Variants in BOD1L1 observed in about 807,000 individuals in gnomAD.
The protein encoded by BOD1L1 is biorientation of chromosomes in cell division 1 like 1.
Under a neutral mutation model 240.7 loss-of-function variants are expected in BOD1L1, and 86 were observed. The ratio of observed to expected loss-of-function variants is 0.36; its 90% CI spans 0.30 to 0.43. The LOEUF (loss-of-function observed/expected upper bound fraction) is 0.43. Ranked by LOEUF, BOD1L1 falls within the 20% of genes least tolerant of loss-of-function variation. The pLI is 1.00. For missense variants in BOD1L1, 3,554 were observed against 3,643.5 expected (o/e 0.98, Z 0.63); for synonymous variants, 1,268 against 1,272.3 (o/e 1.00, Z 0.07).
Position 13,602,437 on chromosome 4 carries a change from C to T in BOD1L1, c.4463G>A (p.Ser1488Asn), listed in dbSNP as rs959490513. Residue 1488 changes from serine (S) to asparagine (N), a missense_variant, in exon 10 of 26, where the codon AGT becomes AAT. Ser to Asn is a conservative substitution (Grantham distance 46). Transcript: ENST00000040738. The part of the protein sequence containing the change: ...ENSEVDTSAG[S>N]GSAPSVLHQR... ...GTGTAAAACAGAGGGTGCAGAGCCA[C>T]TTCCAGCACTGGTGTCTACCTCACT... The T allele has an allele frequency of 4.4e-5, 71 of 1,613,924 alleles. No individual in the cohort carries two copies. The highest frequency in any genetic ancestry group is 5.8e-5 in the Non-Finnish European group (68 of 1,179,910).
At chr4:13,626,379 G>A (rs1278726427) in intron 1 of BOD1L1, 1 of 152,490 alleles carries the variant, frequency 6.6e-6, no homozygotes, top group African/African-American at 2.5e-5. Context: ...CAATCCAATG[G>A]ACCCAACCAG....
rs566572951 is a variant in BOD1L1, at chr4:13,627,337, C to T, written c.243+8G>A. ...CTCGCAGACCCCCAAACCCGGCGCGCTCCTAACCTTGGTGTCCACGTCGGC... is the reference window on the plus strand; with the variant it reads ...CTCGCAGACCCCCAAACCCGGCGCGTTCCTAACCTTGGTGTCCACGTCGGC... On this transcript the variant is annotated splice_region_variant and intron_variant, in intron 1 of 25. Transcript: ENST00000040738. The T allele has an allele frequency of 4.6e-6, 6 of 1,306,860 alleles. No individual in the cohort carries two copies. In the South Asian group the frequency reaches 8.5e-5, roughly 19 times the overall value. 81.0% of individuals were successfully genotyped at this position (1,306,860 alleles called of 1,614,324 possible).
rs1422886487 is a variant in BOD1L1 at position 13,604,737 on chromosome 4, C to T, written c.2163G>A (p.Val721=). 1 of 1,611,526 alleles carries T rather than the reference C, an allele frequency of 6.2e-7. No homozygotes were observed. ...PHLKSLLKKE[V]KSSKEKPERE... ...TTTCAGGCTTCTCCTTGGAGGATTTCACCTCTTTCTTAAGTAGGCTTTTCA... is the reference window on the plus strand; with the variant it reads ...TTTCAGGCTTCTCCTTGGAGGATTTTACCTCTTTCTTAAGTAGGCTTTTCA... Residue 721 remains valine, a synonymous_variant, in exon 10 of 26, where the codon GTG becomes GTA. Coordinates refer to ENST00000040738, the MANE Select transcript of BOD1L1 (RefSeq NM_148894.3).
intron 14 of BOD1L1, among the ~76,000 whole-genome samples, 155 bp from the exon 15 acceptor site, chr4:13,588,947 G>C (rs1713956004): frequency 6.6e-6 from 1 of 152,170 alleles, no homozygotes; most frequent in Non-Finnish European, 1.5e-5. Context: ...AGTCACAAAT[G>C]ATTTTTGATG....
intron 25 of BOD1L1, chr4:13,572,805 T>G: frequency 3.1e-6 from 4 of 1,289,826 alleles, no homozygotes; most frequent in Non-Finnish European, 4.0e-6. Flanking sequence ...CTGCCAAGTT[T>G]GGATGTTGCA....
chr4:13,586,089 T>C (rs1577323873), intron 17 of BOD1L1, among the ~76,000 whole-genome samples: 1 of 152,240 alleles, frequency 6.6e-6, no homozygotes, highest in South Asian at 2.1e-4. Context: ...AAGCACATTA[T>C]ACTTTTGGAA....
In BOD1L1 at chr4:13,627,245, G is replaced by C. The variant is rs992054312; in HGVS notation, c.243+100C>G. Reference sequence around the variant, plus strand: ...ACACTCTGTGCTTTGCACAGTCCGTGGCACACAGCTGCAGCTCCAAGAGGA... The same window carrying C: ...ACACTCTGTGCTTTGCACAGTCCGTCGCACACAGCTGCAGCTCCAAGAGGA... On this transcript the variant is annotated intron_variant, in intron 1 of 25. Coordinates refer to ENST00000040738, the MANE Select transcript of BOD1L1 (RefSeq NM_148894.3). 4 of 540,026 alleles carry C rather than the reference G, an allele frequency of 7.4e-6. No individual in the cohort carries two copies. The African/African-American group carries it at 8.2e-5, about 11-fold the overall frequency. 33.5% of individuals were successfully genotyped at this position (540,026 alleles called of 1,614,324 possible).
At position 13,602,494 on chromosome 4, in the gene BOD1L1, A is replaced by G. The variant is rs773244880; in HGVS notation, c.4406T>C (p.Ile1469Thr). 1 of 1,613,786 alleles carries G rather than the reference A, an allele frequency of 6.2e-7. No individual in the cohort carries two copies. The highest frequency in any genetic ancestry group is 1.3e-5 in the African/African-American group (1 of 74,894). Residue 1469 changes from isoleucine (I) to threonine (T), a missense_variant, in exon 10 of 26, where the codon ATA (isoleucine) becomes ACA (threonine). By Grantham distance (89) the Ile-to-Thr change is moderately conservative. Coordinates refer to ENST00000040738, the MANE Select transcript of BOD1L1 (RefSeq NM_148894.3). ...ATTCCTTCTTTCAACATCAATTGAT[A>G]TGTCTTTTACTTTACCTGGGCTTCT... ...HKRSPGKVKD[I>T]SIDVERRNEN...
In BOD1L1 at chr4:13,587,787, A is replaced by G. The variant is rs1159557354; in HGVS notation, c.8281-16T>C. The G allele has an allele frequency of 6.6e-7, 1 of 1,509,248 alleles. No individual in the cohort carries two copies. The highest frequency in any genetic ancestry group is 1.4e-5 in the African/African-American group (1 of 72,286). 93.5% of individuals were successfully genotyped at this position (1,509,248 alleles called of 1,614,324 possible). On this transcript the variant is annotated splice_polypyrimidine_tract_variant and intron_variant, in intron 15 of 25. Coordinates refer to ENST00000040738, the MANE Select transcript of BOD1L1 (RefSeq NM_148894.3). ...CCTCTTCAACCTGGAATTAAGAATG[A>G]CTATATCAAAGGCCATAGAATCTTG...
chr4:13,598,717 G>A (rs1241237872), intron 10 of BOD1L1, among the ~76,000 whole-genome samples: 1 of 152,168 alleles, frequency 6.6e-6, no homozygotes, highest in African/African-American at 2.4e-5. Context: ...CCCCACACAT[G>A]AGAAATGGGC....
intron 10 of BOD1L1, among the ~76,000 whole-genome samples, chr4:13,598,232 C>T (rs1714779103): frequency 6.6e-6 from 1 of 152,170 alleles, no homozygotes; most frequent in Non-Finnish European, 1.5e-5. Flanking sequence ...AATCTGTCAG[C>T]AGGGAAAAAT....
Position 13,613,357 on chromosome 4 carries a change from C to A in BOD1L1, c.1324+155G>T. 1.6e-6 allele frequency: 1 copy of A among 636,004 alleles called. No homozygotes were observed. The highest frequency in any genetic ancestry group is 2.5e-6 in the Non-Finnish European group (1 of 405,854). The allele number at this position is 636,004 out of a possible 1,614,324, so 39.4% of individuals were successfully genotyped here. ...AACTTACCAAGCTTGCTCAGACAGA[C>A]AACTTTGGAGCTGGGACTCAGAAAC... On this transcript the variant is annotated intron_variant, in intron 5 of 25. Transcript: ENST00000040738. This position sits in a 1 kb window ranked among gnomAD's most constrained non-coding sequence, Gnocchi z 4.0.
rs372247165 is a variant in BOD1L1 at position 13,602,588 on chromosome 4, T to C, written c.4312A>G (p.Ile1438Val). The C allele has an allele frequency of 1.2e-6, 2 of 1,614,058 alleles. No individual in the cohort carries two copies. The highest frequency in any genetic ancestry group is 1.3e-5 in the African/African-American group (1 of 75,076). Residue 1438 changes from isoleucine (I) to valine (V), a missense_variant, in exon 10 of 26, where the codon ATT (isoleucine) becomes GTT (valine). By Grantham distance (29) the Ile-to-Val change is conservative. Coordinates refer to ENST00000040738, the MANE Select transcript of BOD1L1 (RefSeq NM_148894.3). ...AGGCCTACAACATGATCAACAGCAA[T>C]GCCATCCTTCTTGCCATTCTCTACT... ...ATVENGKKDG[I>V]AVDHVVGLNT...
In BOD1L1 at chr4:13,607,097, G is replaced by A. The variant is rs763821611; in HGVS notation, c.1815+20C>T. The A allele has an allele frequency of 6.8e-7, 1 of 1,475,112 alleles. No homozygotes were observed. The highest frequency in any genetic ancestry group is 9.2e-7 in the Non-Finnish European group (1 of 1,087,678). The allele number at this position is 1,475,112 out of a possible 1,614,324, so 91.4% of individuals were successfully genotyped here. A position where few individuals can be genotyped will look rare whatever the true frequency, so the allele number is the denominator to read the frequency against. ...TATCTAACAAAACAGCATTTGAAAT[G>A]AGGTTTTATTAAGGCATACCTCACT... On this transcript the variant is annotated intron_variant, in intron 9 of 25. Coordinates refer to ENST00000040738, the MANE Select transcript of BOD1L1 (RefSeq NM_148894.3).
At chr4:13,608,487 A>AG in intron 8 of BOD1L1, 43 bp downstream of exon 8, 2 of 1,447,252 alleles carry the variant, frequency 1.4e-6, no homozygotes, top group Non-Finnish European at 1.8e-6. Context: ...GAAAGCACCC[A>AG]GGGGAGTGTT....
rs747400099 is a variant in BOD1L1, at chr4:13,570,020, C to T, written c.9147G>A (p.Ala3049=). Residue 3049 remains alanine (A), a synonymous_variant, in exon 26 of 26, where the codon GCG becomes GCA. Coordinates refer to ENST00000040738, the MANE Select transcript of BOD1L1 (RefSeq NM_148894.3). ...GCAGCAGTGGTCAGGATTATCGCTTCGCTTTTTTCACAGGGGCTTCCTCCA... is the reference window on the plus strand; with the variant it reads ...GCAGCAGTGGTCAGGATTATCGCTTTGCTTTTTTCACAGGGGCTTCCTCCA... The part of the protein sequence containing the change: ...QRVEEAPVKK[A]KR 1.8e-5 allele frequency: 29 copies of T among 1,600,868 alleles called. No homozygotes were observed. The highest frequency in any genetic ancestry group is 2.3e-5 in the East Asian group (1 of 43,986).
chr4:13,591,941 C>A lies in BOD1L1; in HGVS notation c.8130G>T (p.Leu2710Phe). ...GIAELQREPL[L>F]VNESLNVENS... ...GACTTACATTTAGTGATTCATTCACCAACAAAGGCTCCCTCTGGAGTTCAG... is the reference window on the plus strand; with the variant it reads ...GACTTACATTTAGTGATTCATTCACAAACAAAGGCTCCCTCTGGAGTTCAG... The change falls in exon 13 of 26, where the codon TTG becomes TTT. Residue 2710 changes from leucine (L) to phenylalanine (F), a missense_variant. By Grantham distance (22) the Leu-to-Phe change is conservative (BLOSUM62 0). Transcript: ENST00000040738. The A allele has an allele frequency of 1.3e-6, 2 of 1,564,368 alleles. No individual in the cohort carries two copies. The highest frequency in any genetic ancestry group is 1.2e-5 in the South Asian group (1 of 83,792).
chr4:13,584,476 G>GTGTGTC (rs1553836243), intron 17 of BOD1L1, among the ~76,000 whole-genome samples: 60 of 151,314 alleles, frequency 4.0e-4, no homozygotes, highest in African/African-American at 1.4e-3. Context: ...GTGTGTGTGT[G>GTGTGTC]TGTGTGTTGG....
rs769792124 is a variant in BOD1L1, at chr4:13,605,035, T to C, written c.1865A>G (p.His622Arg). 5 of 1,599,688 alleles carry C rather than the reference T, an allele frequency of 3.1e-6. No individual in the cohort carries two copies. The highest frequency in any genetic ancestry group is 4.3e-6 in the Non-Finnish European group (5 of 1,175,948). The change falls in exon 10 of 26, where the codon CAT becomes CGT. Residue 622 changes from histidine (H) to arginine (R), a missense_variant. Coordinates refer to ENST00000040738, the MANE Select transcript of BOD1L1 (RefSeq NM_148894.3). Reference protein sequence around the residue: ...ISSSKELKHVHAKSEPSKPAR... With the variant: ...ISSSKELKHVRAKSEPSKPAR... ...AGGTTTACTTGGTTCACTTTTTGCA[T>C]GAACATGCTTCAGCTCCTTTGAAGA...
Sources: gnomAD v4.1 joint callset for allele counts (sites outside exome capture counted in the v4.1 genomes callset) on GRCh38, gnomAD v4.1.1 for gene constraint, Gnocchi (gnomAD v3.1) non-coding constraint, MANE v1.5 for transcripts, NCBI Gene and HGNC (gene_info 2026-07-23, HGNC 2026-07-21) for gene names.